CDH4: variants seen among roughly 807,000 people sequenced by gnomAD.
The protein encoded by CDH4 is cadherin 4, also known as cadherin-4.
Under a neutral mutation model 86.0 loss-of-function variants are expected in CDH4, and 33 were observed. The observed-to-expected ratio is 0.38, with a 90% CI of 0.29 to 0.51. The LOEUF is 0.51. Among genes scored for constraint, CDH4 ranks in the 20% least tolerant of loss-of-function variants. The pLI, the probability that CDH4 is intolerant of heterozygous loss-of-function variation, is 0.86. For missense variants in CDH4, 1,114 were observed against 1,307.4 expected, an observed-to-expected ratio of 0.85 and a Z score of 2.28; for synonymous variants, 555 against 549.4, an observed-to-expected ratio of 1.01 and a Z score of -0.14.
Position 61,580,494 on chromosome 20 carries a change from A to AAT in CDH4, c.170-163068_170-163067insTA, listed in dbSNP as rs199694036. 5.1e-3 allele frequency among the ~76,000 whole-genome samples: 783 copies of AAT among 152,214 alleles called. 8 individuals carry two copies. Among genetic ancestry groups the AAT allele is most frequent in the African/African-American group, 0.018 (736 of 41,506 alleles). On this transcript the variant is annotated intron_variant, in intron 2 of 15. Coordinates refer to ENST00000614565, the MANE Select transcript of CDH4 (RefSeq NM_001794.5). ...AAATAAAACCTCTACTTTAAAAAAA[A>AAT]AATTGCATGTGTTTTTTGACACCTT...
intron 2 of CDH4, among the ~76,000 whole-genome samples, chr20:61,724,629 C>T (rs1202399954): frequency 1.3e-5 from 2 of 152,190 alleles, no homozygotes; most frequent in Non-Finnish European, 2.9e-5. Context: ...TGTACTGTGG[C>T]CATCAGGGCT....
chr20:61,828,016 G>A (rs1000760853), intron 4 of CDH4, among the ~76,000 whole-genome samples: 4 of 152,142 alleles, frequency 2.6e-5, no homozygotes, highest in Non-Finnish European at 5.9e-5. Context: ...AAAGAACTAA[G>A]CATTTTCCTG....
chr20:61,625,223 C>G lies in CDH4; in HGVS notation c.170-118340C>G, dbSNP rs535711190. 1.6e-4 allele frequency among the ~76,000 whole-genome samples: 25 copies of G among 152,256 alleles called. No homozygotes were observed. In the East Asian group the frequency reaches 4.1e-3, roughly 25 times the overall value. ...GTGAGGTCTCCAGAGGCACCCGGAC[C>G]CAGGCGTGATCCTAGTCTGCTCACT... On this transcript the variant is annotated intron_variant, in intron 2 of 15. Transcript: ENST00000614565.
At chr20:61,806,750 G>A (rs1435899286) in intron 4 of CDH4, among the ~76,000 whole-genome samples, 2 of 152,158 alleles carry the variant, frequency 1.3e-5, no homozygotes, top group Non-Finnish European at 2.9e-5. Context: ...CACGGCTGCT[G>A]TGAGCAGACA....
At chr20:61,874,662 C>T (rs910378835) in intron 7 of CDH4, among the ~76,000 whole-genome samples, 2 of 152,180 alleles carry the variant, frequency 1.3e-5, no homozygotes, top group Non-Finnish European at 2.9e-5. Context: ...GGGCTGAAAG[C>T]GCCCCACCAG....
chr20:61,693,187 G>A (rs1009381233), intron 2 of CDH4, among the ~76,000 whole-genome samples: 1 of 152,208 alleles, frequency 6.6e-6, no homozygotes, highest in Non-Finnish European at 1.5e-5. Context: ...CTGTGATGAA[G>A]GCGGGTACGA....
At chr20:61,927,226 A>G (rs2055054326) in intron 11 of CDH4, among the ~76,000 whole-genome samples, 1 of 152,216 alleles carries the variant, frequency 6.6e-6, no homozygotes, top group South Asian at 2.1e-4. Flanking sequence ...GCAAAGCTAC[A>G]GTCAGAACAT....
chr20:61,425,012 C>T (rs939184113), intron 2 of CDH4, among the ~76,000 whole-genome samples: 8 of 152,254 alleles, frequency 5.3e-5, no homozygotes, highest in African/African-American at 1.9e-4. Context: ...GCCTCCTAGC[C>T]GGTGCTGGCT....
intron 3 of CDH4, among the ~76,000 whole-genome samples, chr20:61,769,441 C>T (rs1057287690): frequency 6.6e-6 from 1 of 152,208 alleles, no homozygotes; most frequent in African/African-American, 2.4e-5. Flanking sequence ...CCCCTTTTCC[C>T]TTGGTTCCCC....
chr20:61,862,778 C>G lies in CDH4; in HGVS notation c.877+9880C>G, dbSNP rs1314960244. 2.0e-5 allele frequency among the ~76,000 whole-genome samples: 3 copies of G among 152,244 alleles called. No homozygotes were observed. The East Asian group carries it at 5.8e-4, about 29-fold the overall frequency. ...ATCGGGATGTGCTACTTCCTCTAAC[C>G]CCTCGTAACTGTGTGGGGCCTATAT... On this transcript the variant is annotated intron_variant, in intron 6 of 15. Transcript: ENST00000614565.
At chr20:61,779,992 A>C (rs16985583) in intron 4 of CDH4, among the ~76,000 whole-genome samples, 1 of 152,232 alleles carries the variant, frequency 6.6e-6, no homozygotes, top group East Asian at 1.9e-4. Context: ...TAAAGCATCC[A>C]TGTGTGTACA....
intron 2 of CDH4, among the ~76,000 whole-genome samples, chr20:61,345,449 G>A (rs528229755): frequency 2.6e-5 from 4 of 152,322 alleles, no homozygotes; most frequent in South Asian, 2.1e-4. Flanking sequence ...TGAACATTCC[G>A]TATTTCATTT....
chr20:61,534,112 G>A (rs1482271798), intron 2 of CDH4, among the ~76,000 whole-genome samples: 2 of 152,180 alleles, frequency 1.3e-5, no homozygotes, highest in Non-Finnish European at 2.9e-5. Flanking sequence ...TCTCACACTT[G>A]AATATCATCA....
intron 7 of CDH4, among the ~76,000 whole-genome samples, chr20:61,878,537 A>G (rs1984141713): frequency 6.6e-6 from 1 of 152,220 alleles, no homozygotes; most frequent in Non-Finnish European, 1.5e-5. Flanking sequence ...TCCAGCACGC[A>G]GCAGCCATGT....
chr20:61,374,561 C>T (rs1051559355), intron 2 of CDH4, among the ~76,000 whole-genome samples: 2 of 152,238 alleles, frequency 1.3e-5, no homozygotes, highest in East Asian at 1.9e-4. Context: ...ACGGTAGTAC[C>T]GATCTCACAC....
At chr20:61,637,273 AC>A (rs2086957488) in intron 2 of CDH4, among the ~76,000 whole-genome samples, 1 of 152,122 alleles carries the variant, frequency 6.6e-6, no homozygotes, top group South Asian at 2.1e-4. Flanking sequence ...CGTTTATCAC[AC>A]GGGTGTATCT....
intron 2 of CDH4, among the ~76,000 whole-genome samples, chr20:61,386,276 G>C (rs6061629): frequency 6.6e-6 from 1 of 151,882 alleles, no homozygotes; most frequent in East Asian, 1.9e-4. Context: ...AAAACCTCTC[G>C]GTCTCCTCCA....
chr20:61,411,329 T>A (rs767750137), intron 2 of CDH4, among the ~76,000 whole-genome samples: 16 of 148,678 alleles, frequency 1.1e-4, no homozygotes, highest in Non-Finnish European at 3.0e-5. Context: ...CATCCACCTC[T>A]GGGTTCATCT....
At chr20:61,557,525 C>T (rs930059509) in intron 2 of CDH4, among the ~76,000 whole-genome samples, 6 of 152,198 alleles carry the variant, frequency 3.9e-5, no homozygotes, top group Non-Finnish European at 8.8e-5. Context: ...CTGCTCACTG[C>T]AGACTTCTGG....
Sources: allele counts gnomAD v4.1 joint callset (sites outside exome capture counted in the v4.1 genomes callset), GRCh38; gene constraint gnomAD v4.1.1; transcripts MANE v1.5; gene names NCBI Gene and HGNC (gene_info 2026-07-23, HGNC 2026-07-21).